DARS1: variants seen among roughly 807,000 people sequenced by gnomAD.
DARS1 encodes the protein aspartate--tRNA ligase, cytoplasmic.
A neutral mutation model predicts 68.8 loss-of-function variants in DARS1; 51 were observed. That is an observed-to-expected ratio of 0.74 (90% CI 0.59 to 0.94). The LOEUF is 0.94. Among genes scored for constraint, DARS1 ranks in the 40% least tolerant of loss-of-function variants. The pLI, the probability that DARS1 is intolerant of heterozygous loss-of-function variation, is 0.00. For missense variants in DARS1, 607 were observed against 597.3 expected, an observed-to-expected ratio of 1.02 and a Z score of -0.17; for synonymous variants, 203 against 190.4, an observed-to-expected ratio of 1.07 and a Z score of -0.55.
At chr2:135,952,274 G>GTTTTTT (rs200431445) in intron 4 of DARS1, among the ~76,000 whole-genome samples, 2 of 148,098 alleles carry the variant, frequency 1.4e-5, no homozygotes, top group Admixed American at 6.7e-5. Flanking sequence ...CATTAATGAA[G>GTTTTTT]TTTTTTTTTT....
chr2:135,948,877 C>CAA (rs35323281), intron 4 of DARS1, among the ~76,000 whole-genome samples: 2,639 of 132,114 alleles, frequency 0.02, 52 homozygotes, highest in African/African-American at 0.052. Flanking sequence ...CTCCCGTCTC[C>CAA]AAAAAAAAAA....
At chr2:135,963,230 A>G (rs1682139218) in intron 3 of DARS1, among the ~76,000 whole-genome samples, 1 of 152,226 alleles carries the variant, frequency 6.6e-6, no homozygotes. Flanking sequence ...GGCCTGTGGG[A>G]AAATTATTAA....
chr2:135,941,204 A>T (rs1681588024), intron 5 of DARS1, among the ~76,000 whole-genome samples: 1 of 152,200 alleles, frequency 6.6e-6, no homozygotes. Flanking sequence ...CATTGCGAAG[A>T]CAATCCTAAG....
chr2:135,977,967 ACT>A (rs1307621625), intron 3 of DARS1, among the ~76,000 whole-genome samples: 2 of 151,944 alleles, frequency 1.3e-5, no homozygotes, highest in Non-Finnish European at 2.9e-5. Flanking sequence ...ACATGGTGAA[ACT>A]CTGTCTCTAC....
Position 135,911,214 on chromosome 2 carries a change from CA to C in DARS1, c.1343-5del. 1.4e-6 allele frequency: 2 copies of C among 1,415,688 alleles called. No homozygotes were observed. Among genetic ancestry groups the C allele is most frequent in the Non-Finnish European group, 2.0e-6 (2 of 1,001,918 alleles). The allele number at this position is 1,415,688 out of a possible 1,614,324, so 87.7% of individuals were successfully genotyped here. Reference sequence around the variant, plus strand: ...TAAGCCTTAATTTTCTCCAAATCTGCAAAAAGACACAAAACAAAATATAATT... The same window carrying C: ...TAAGCCTTAATTTTCTCCAAATCTGCAAAAGACACAAAACAAAATATAATT... On this transcript the variant is annotated splice_polypyrimidine_tract_variant and splice_region_variant and intron_variant, in intron 14 of 15. Coordinates refer to ENST00000264161, the MANE Select transcript of DARS1 (RefSeq NM_001349.4).
intron 4 of DARS1, among the ~76,000 whole-genome samples, chr2:135,946,792 A>G (rs1009407225): frequency 6.6e-6 from 1 of 152,186 alleles, no homozygotes; most frequent in Non-Finnish European, 1.5e-5. Flanking sequence ...GCTGGGTCCC[A>G]GTATCAGGTT....
At chr2:135,932,677 A>C in intron 7 of DARS1, 106 bp downstream of exon 7, 3 of 656,604 alleles carry the variant, frequency 4.6e-6, no homozygotes, top group Non-Finnish European at 8.0e-6. Context: ...TCATACTTAC[A>C]GTCAGGCAAA....
intron 3 of DARS1, among the ~76,000 whole-genome samples, chr2:135,967,981 C>T (rs1274922038): frequency 2.0e-5 from 3 of 152,074 alleles, no homozygotes; most frequent in Non-Finnish European, 2.9e-5. Flanking sequence ...AATCTACGGC[C>T]GGGGGCAGTG....
chr2:135,914,329 T>C lies in DARS1; in HGVS notation c.1149+140A>G. The C allele has an allele frequency of 4.8e-6, 3 of 629,094 alleles. No individual in the cohort carries two copies. In the East Asian group the frequency reaches 7.9e-5, roughly 16 times the overall value. The allele number at this position is 629,094 out of a possible 1,614,324, so 39.0% of individuals were successfully genotyped here. On this transcript the variant is annotated intron_variant, in intron 12 of 15. Transcript: ENST00000264161. ...TCTCAATTTTCTAAGAAAAAAATTT[T>C]TTTAATGTTGTCCTTCTTCGGTTTT...
At chr2:135,958,568 T>C (rs189737315) in intron 4 of DARS1, among the ~76,000 whole-genome samples, 3 of 152,318 alleles carry the variant, frequency 2.0e-5, no homozygotes, top group Admixed American at 6.5e-5. Flanking sequence ...CTTAGAAGTA[T>C]AGGTTACATC....
intron 4 of DARS1, among the ~76,000 whole-genome samples, chr2:135,952,487 T>A (rs1681860752): frequency 6.6e-6 from 1 of 152,168 alleles, no homozygotes; most frequent in Non-Finnish European, 1.5e-5. Flanking sequence ...TACCCTACTG[T>A]GCAAGAGAAC....
At chr2:135,954,310 C>A (rs1220723772) in intron 4 of DARS1, among the ~76,000 whole-genome samples, 2 of 110,780 alleles carry the variant, frequency 1.8e-5, no homozygotes, top group Non-Finnish European at 3.7e-5. Context: ...AAAAACAAAA[C>A]CAAAAAAACA....
At chr2:135,958,786 C>T (rs773832997) in intron 4 of DARS1, among the ~76,000 whole-genome samples, 1 of 152,094 alleles carries the variant, frequency 6.6e-6, no homozygotes, top group African/African-American at 2.4e-5. Context: ...ATGCTAGTGC[C>T]AAAAGTTTAA....
intron 12 of DARS1, 120 bp downstream of exon 12, chr2:135,914,349 G>A (rs949529718): frequency 7.3e-6 from 5 of 680,604 alleles, no homozygotes; most frequent in South Asian, 6.0e-5. Flanking sequence ...GTCCTTCTTC[G>A]GTTTTTATTT....
rs533398468 is a variant in DARS1 at position 135,936,627 on chromosome 2, G to A, written c.424-2637C>T. 2.4e-4 allele frequency among the ~76,000 whole-genome samples: 37 copies of A among 152,212 alleles called. 1 individual carries two copies. Among genetic ancestry groups the A allele is most frequent in the Admixed American group, 6.5e-4 (10 of 15,292 alleles). ...GAAGATGTGGGAGTTATCTTTCTTGGTCAACATAAATGGGTTTATTCATTT... is the reference window on the plus strand; with the variant it reads ...GAAGATGTGGGAGTTATCTTTCTTGATCAACATAAATGGGTTTATTCATTT... On this transcript the variant is annotated intron_variant, in intron 5 of 15. Transcript: ENST00000264161.
chr2:135,975,171 C>T (rs1487782849), intron 3 of DARS1, among the ~76,000 whole-genome samples: 1 of 151,792 alleles, frequency 6.6e-6, no homozygotes, highest in Non-Finnish European at 1.5e-5. Flanking sequence ...AGTGAAACCC[C>T]GTCTCTACTA....
chr2:135,943,580 T>C (rs1681655161), intron 4 of DARS1, 100 bp from the exon 5 acceptor site: 3 of 1,504,324 alleles, frequency 2.0e-6, no homozygotes, highest in Non-Finnish European at 2.7e-6. Flanking sequence ...AACTCTTTTT[T>C]AATACAGTAA....
intron 4 of DARS1, among the ~76,000 whole-genome samples, chr2:135,959,440 CG>C (rs1167365700): frequency 7.3e-6 from 1 of 136,352 alleles, no homozygotes; most frequent in Non-Finnish European, 1.5e-5. Flanking sequence ...AAAGATCGCC[CG>C]TATATCATCC....
chr2:135,913,629 G>C (rs1680942646), intron 12 of DARS1, among the ~76,000 whole-genome samples: 1 of 151,682 alleles, frequency 6.6e-6, no homozygotes, highest in Non-Finnish European at 1.5e-5. Flanking sequence ...GTGGTGGTGG[G>C]CGCCTGTAAT....
Sources: gnomAD v4.1 joint callset for allele counts (sites outside exome capture counted in the v4.1 genomes callset) on GRCh38, gnomAD v4.1.1 for gene constraint, MANE v1.5 for transcripts, NCBI Gene and HGNC (gene_info 2026-07-23, HGNC 2026-07-21) for gene names.